Variants in DAAM1 observed in about 807,000 individuals in gnomAD.
The protein encoded by DAAM1 is disheveled-associated activator of morphogenesis 1.
A neutral mutation model predicts 130.0 loss-of-function variants in DAAM1; 52 were observed. The ratio of observed to expected loss-of-function variants is 0.40; its 90% CI spans 0.32 to 0.50. DAAM1 has a LOEUF of 0.50. Among genes scored for constraint, DAAM1 ranks in the 20% least tolerant of loss-of-function variants. DAAM1 has a pLI of 0.61. For synonymous variants in DAAM1, 452 were observed against 444.5 expected (o/e 1.02, Z -0.21); for missense variants, 1,134 against 1,303.8 (o/e 0.87, Z 2.01).
At position 59,323,255 on chromosome 14, in the gene DAAM1, C is replaced by T. The variant is rs534551526; in HGVS notation, c.774+30C>T. The T allele has an allele frequency of 7.4e-5, 115 of 1,544,158 alleles. No individual in the cohort carries two copies. In the South Asian group the frequency reaches 1.2e-3, roughly 16 times the overall value. ...GTGTTCGCTCAGCCTTCTTCACTCACCCCTTCTTTAAAGTCTGCTCAAACA... is the reference window on the plus strand; with the variant it reads ...GTGTTCGCTCAGCCTTCTTCACTCATCCCTTCTTTAAAGTCTGCTCAAACA... On this transcript the variant is annotated intron_variant, in intron 6 of 24. Transcript: ENST00000360909.
intron 1 of DAAM1, among the ~76,000 whole-genome samples, chr14:59,191,501 A>G (rs1217970523): frequency 6.6e-6 from 1 of 152,112 alleles, no homozygotes; most frequent in Non-Finnish European, 1.5e-5. Context: ...ATTTCCACTG[A>G]TAGTTCTGTC....
Position 59,369,103 on chromosome 14 carries a change from A to G in DAAM1, c.*244A>G, listed in dbSNP as rs193101432. On this transcript the variant is annotated 3_prime_UTR_variant, in exon 25 of 25. Transcript: ENST00000360909. ...ATTTATGTTAATGTATGTGCTCCAA[A>G]ACCTTTCGTGTATGCATTCACATTG... 8.4e-4 allele frequency: 351 copies of G among 419,894 alleles called. 4 individuals are homozygous for G. In the East Asian group the frequency reaches 0.014, roughly 17 times the overall value. 26.0% of individuals were successfully genotyped at this position (419,894 alleles called of 1,614,324 possible).
At chr14:59,199,021 T>G (rs1888009765) in intron 1 of DAAM1, among the ~76,000 whole-genome samples, 1 of 152,230 alleles carries the variant, frequency 6.6e-6, no homozygotes, top group Non-Finnish European at 1.5e-5. Flanking sequence ...GTAATATCCA[T>G]TGAGTTTCCC....
At chr14:59,278,973 A>G (rs1378800444) in intron 2 of DAAM1, among the ~76,000 whole-genome samples, 1 of 152,126 alleles carries the variant, frequency 6.6e-6, no homozygotes, top group African/African-American at 2.4e-5. Context: ...TGTATATACA[A>G]AGCTGTATTT....
intron 1 of DAAM1, among the ~76,000 whole-genome samples, chr14:59,246,029 A>G (rs1881352627): frequency 6.6e-6 from 1 of 152,222 alleles, no homozygotes; most frequent in Non-Finnish European, 1.5e-5. Flanking sequence ...CTTAAAGTGC[A>G]TTGAAAGTGC....
At chr14:59,323,748 A>T (rs1885105229) in intron 6 of DAAM1, among the ~76,000 whole-genome samples, 1 of 152,098 alleles carries the variant, frequency 6.6e-6, no homozygotes, top group Non-Finnish European at 1.5e-5. Flanking sequence ...AAGATTTTAA[A>T]AGTTAACTTT....
intron 2 of DAAM1, among the ~76,000 whole-genome samples, chr14:59,289,777 T>TATATATATATATATATATATAC (rs1883648642): frequency 2.8e-5 from 3 of 105,830 alleles, no homozygotes; most frequent in South Asian, 5.8e-4. Context: ...GATATATATA[T>TATATATATATATATATATATAC]ATATATAATG....
Position 59,263,645 on chromosome 14 carries a change from G to T in DAAM1, c.168G>T (p.Met56Ile). The T allele has an allele frequency of 2.5e-6, 4 of 1,614,220 alleles. No homozygotes were observed. Among genetic ancestry groups the T allele is most frequent in the Non-Finnish European group, 3.4e-6 (4 of 1,180,040 alleles). The change falls in exon 2 of 25, where the codon ATG becomes ATT. Residue 56 changes from methionine (M) to isoleucine (I), a missense_variant. By Grantham distance (10) the Met-to-Ile change is conservative. Coordinates refer to ENST00000360909, the MANE Select transcript of DAAM1 (RefSeq NM_001270520.2). ...CCCCTGTGGAGGAGCTGGATGTCAT[G>T]TTCAGTGAACTGGTGGTGAGTCCCA... ...PMPPVEELDV[M>I]FSELVDELDL...
intron 1 of DAAM1, among the ~76,000 whole-genome samples, chr14:59,218,280 A>G (rs544198907): frequency 1.1e-3 from 166 of 152,342 alleles, no homozygotes; most frequent in Admixed American, 2.1e-3. Context: ...TTACTGGACA[A>G]TGCTGACTGT....
chr14:59,227,610 T>C (rs1372777673), intron 1 of DAAM1, among the ~76,000 whole-genome samples: 1 of 152,236 alleles, frequency 6.6e-6, no homozygotes, highest in African/African-American at 2.4e-5. Context: ...CATGTCTCAT[T>C]ATCTCGATTA....
intron 3 of DAAM1, among the ~76,000 whole-genome samples, chr14:59,300,512 C>T (rs912827340): frequency 3.9e-5 from 6 of 152,180 alleles, no homozygotes; most frequent in African/African-American, 1.4e-4. Flanking sequence ...GATAACTTTC[C>T]TCTCAAGTCA....
At chr14:59,302,801 C>A (rs539601294) in intron 3 of DAAM1, among the ~76,000 whole-genome samples, 58 of 152,204 alleles carry the variant, frequency 3.8e-4, no homozygotes, top group East Asian at 1.9e-3. Context: ...TTACAGGTGT[C>A]CATCACCACG....
At chr14:59,240,356 C>T (rs1889438882) in intron 1 of DAAM1, among the ~76,000 whole-genome samples, 1 of 152,170 alleles carries the variant, frequency 6.6e-6, no homozygotes. Flanking sequence ...TGGAGAGGTG[C>T]TCAGTAAATG....
chr14:59,323,090 C>G lies in DAAM1; in HGVS notation c.639C>G (p.Ser213Arg). The G allele has an allele frequency of 6.2e-7, 1 of 1,613,764 alleles. No homozygotes were observed. Among genetic ancestry groups the G allele is most frequent in the Non-Finnish European group, 8.5e-7 (1 of 1,179,832 alleles). Reference protein sequence around the residue: ...ESINVIAQSLSTENIKTKVAV... With the variant: ...ESINVIAQSLRTENIKTKVAV... Reference sequence around the variant, plus strand: ...TTAATGTAATTGCTCAGAGTCTGAGCACAGAGAACATTAAAACGAAGGTGG... The same window carrying G: ...TTAATGTAATTGCTCAGAGTCTGAGGACAGAGAACATTAAAACGAAGGTGG... Residue 213 changes from serine (S) to arginine (R), a missense_variant, in exon 6 of 25, where the codon AGC becomes AGG. Around this residue, in one of 3 missense-constraint regions of DAAM1, gnomAD observed 391 missense variants for 521.6 expected, o/e 0.75. Coordinates refer to ENST00000360909, the MANE Select transcript of DAAM1 (RefSeq NM_001270520.2).
At chr14:59,229,276 G>C (rs1190905296) in intron 1 of DAAM1, among the ~76,000 whole-genome samples, 2 of 152,156 alleles carry the variant, frequency 1.3e-5, no homozygotes, top group Non-Finnish European at 2.9e-5. Context: ...CTTGAGACCA[G>C]TGTGTCATTT....
At chr14:59,264,863 C>CCCATGTGT (rs1008172650) in intron 2 of DAAM1, 10 of 152,118 alleles carry the variant, frequency 6.6e-5, no homozygotes, top group African/African-American at 2.4e-4. Context: ...GTTGTTTCCC[C>CCCATGTGT]CCATGTGTCC....
chr14:59,254,129 T>G (rs1484765549), intron 1 of DAAM1, among the ~76,000 whole-genome samples: 1 of 152,168 alleles, frequency 6.6e-6, no homozygotes, highest in African/African-American at 2.4e-5. Context: ...AGGGGGACAT[T>G]TTCAGAGGCA....
chr14:59,360,179 A>G (rs1424710877), intron 21 of DAAM1, among the ~76,000 whole-genome samples: 1 of 152,238 alleles, frequency 6.6e-6, no homozygotes, highest in African/African-American at 2.4e-5. Flanking sequence ...GTTGTAAATT[A>G]TCTGGGAGAA....
chr14:59,276,197 A>C (rs1882961073), intron 2 of DAAM1, among the ~76,000 whole-genome samples: 1 of 152,202 alleles, frequency 6.6e-6, no homozygotes, highest in Non-Finnish European at 1.5e-5. Context: ...CCCAGATGAG[A>C]TGGTCATTTG....
Sources: allele counts gnomAD v4.1 joint callset (sites outside exome capture counted in the v4.1 genomes callset), GRCh38; gene constraint gnomAD v4.1.1; regional missense constraint gnomAD v4.1.1; transcripts MANE v1.5; gene names NCBI Gene and HGNC (gene_info 2026-07-23, HGNC 2026-07-21).